ERBB4: variants seen among roughly 807,000 people sequenced by gnomAD.
ERBB4 encodes erb-b2 receptor tyrosine kinase 4, also known as receptor tyrosine-protein kinase erbB-4.
Under a neutral mutation model 158.0 loss-of-function variants are expected in ERBB4, and 42 were observed. That is an observed-to-expected ratio of 0.27 (90% CI 0.21 to 0.34). The LOEUF (loss-of-function observed/expected upper bound fraction) is 0.34, where lower values mean the gene tolerates loss of function less well. Ranked by LOEUF, ERBB4 falls within the 10% of genes least tolerant of loss-of-function variation. ERBB4 has a pLI of 1.00. For synonymous variants in ERBB4, 583 were observed against 558.7 expected, an observed-to-expected ratio of 1.04 and a Z score of -0.61; for missense variants, 1,333 against 1,624.1, an observed-to-expected ratio of 0.82 and a Z score of 3.08.
intron 19 of ERBB4, among the ~76,000 whole-genome samples, chr2:211,614,141 C>A (rs1487185001): frequency 6.6e-6 from 1 of 151,902 alleles, no homozygotes; most frequent in East Asian, 1.9e-4. Flanking sequence ...AACCGGAGAT[C>A]ATTATGTTAA....
intron 3 of ERBB4, among the ~76,000 whole-genome samples, chr2:211,902,500 C>A (rs991142176): frequency 6.6e-6 from 1 of 151,736 alleles, no homozygotes; most frequent in African/African-American, 2.4e-5. Flanking sequence ...ATAATTTAAA[C>A]ACATTATTTT....
intron 4 of ERBB4, among the ~76,000 whole-genome samples, chr2:211,757,722 T>C (rs1015718929): frequency 6.6e-6 from 1 of 152,226 alleles, no homozygotes; most frequent in Non-Finnish European, 1.5e-5. Flanking sequence ...AGATAGCTAA[T>C]GGACAGGCCA....
At chr2:211,532,151 T>TGGG (rs35328583) in intron 20 of ERBB4, among the ~76,000 whole-genome samples, 5 of 150,996 alleles carry the variant, frequency 3.3e-5, no homozygotes, top group Non-Finnish European at 7.4e-5. Context: ...GGAAGGGTTG[T>TGGG]GGGGGGGGAA....
chr2:211,977,531 TA>T (rs370595284), intron 2 of ERBB4, among the ~76,000 whole-genome samples: 12 of 67,622 alleles, frequency 1.8e-4, no homozygotes, highest in African/African-American at 5.3e-4. Context: ...ATATTGACTT[TA>T]AAAAAAAAAA....
At position 212,275,913 on chromosome 2, in the gene ERBB4, G is replaced by A. The variant is rs78336539; in HGVS notation, c.83-151010C>T. ...GGATGAAAAGTCAAGACCCATCGGTGTGCTGTACTTTTAATTTTTAGTATT... is the reference window on the plus strand; with the variant it reads ...GGATGAAAAGTCAAGACCCATCGGTATGCTGTACTTTTAATTTTTAGTATT... On this transcript the variant is annotated intron_variant, in intron 1 of 27. Coordinates refer to ENST00000342788, the MANE Select transcript of ERBB4 (RefSeq NM_005235.3). 6.3e-4 allele frequency among the ~76,000 whole-genome samples: 95 copies of A among 151,966 alleles called. No individual in the cohort carries two copies. The East Asian group carries it at 0.017, about 27-fold the overall frequency.
At chr2:211,982,612 A>T (rs975429282) in intron 2 of ERBB4, among the ~76,000 whole-genome samples, 20 of 152,156 alleles carry the variant, frequency 1.3e-4, no homozygotes, top group East Asian at 1.9e-4. Flanking sequence ...GACAAAAGGA[A>T]TACTGGGAGT....
chr2:211,428,243 A>T (rs1022214756), intron 22 of ERBB4, among the ~76,000 whole-genome samples, 165 bp downstream of exon 22: 1 of 147,724 alleles, frequency 6.8e-6, no homozygotes, highest in Non-Finnish European at 1.5e-5. Flanking sequence ...AAAATAAAAT[A>T]TTTTTTTTTC....
intron 3 of ERBB4, among the ~76,000 whole-genome samples, chr2:211,881,441 C>T (rs1248001584): frequency 6.6e-6 from 1 of 152,144 alleles, no homozygotes; most frequent in Admixed American, 6.5e-5. Flanking sequence ...ATGCTGGCAG[C>T]TGCGCCAATA....
At chr2:211,869,154 C>T (rs13009426) in intron 3 of ERBB4, among the ~76,000 whole-genome samples, 5,215 of 152,246 alleles carry the variant, frequency 0.034, 149 homozygotes, top group Non-Finnish European at 0.046. Context: ...TGGCTTCAAT[C>T]CTGCCAAGAA....
At position 212,173,923 on chromosome 2, in the gene ERBB4, T is replaced by C. The variant is rs143764406; in HGVS notation, c.83-49020A>G. 7.9e-3 allele frequency among the ~76,000 whole-genome samples: 1,203 copies of C among 152,226 alleles called. 7 individuals are homozygous for C. Among genetic ancestry groups the C allele is most frequent in the Admixed American group, 0.015 (229 of 15,258 alleles). On this transcript the variant is annotated intron_variant, in intron 1 of 27. Transcript: ENST00000342788. ...GCTCCTACTGCTATGATTTATCCAC[T>C]GAAACAGCTGGGAAACTTCCGAAGT... is the stretch of plus-strand genomic sequence containing the variant.
chr2:212,193,012 G>GA (rs2082319129), intron 1 of ERBB4, among the ~76,000 whole-genome samples: 1 of 152,098 alleles, frequency 6.6e-6, no homozygotes, highest in African/African-American at 2.4e-5. Context: ...GGAAACCTTG[G>GA]AAAATTACAA....
chr2:212,223,271 T>G (rs2083361209), intron 1 of ERBB4, among the ~76,000 whole-genome samples: 1 of 150,434 alleles, frequency 6.6e-6, no homozygotes, highest in South Asian at 2.1e-4. Context: ...AATACAATAC[T>G]GTTTCACAGC....
At chr2:211,407,674 G>C (rs1467763911) in intron 25 of ERBB4, among the ~76,000 whole-genome samples, 5 of 152,202 alleles carry the variant, frequency 3.3e-5, no homozygotes, top group African/African-American at 4.8e-5. Flanking sequence ...AGTGTAATGA[G>C]AGGCTGGTCC....
intron 3 of ERBB4, among the ~76,000 whole-genome samples, chr2:211,852,049 T>G (rs763239606): frequency 3.9e-5 from 6 of 151,980 alleles, no homozygotes; most frequent in Non-Finnish European, 8.8e-5. Flanking sequence ...TGTCATTATC[T>G]GTAACTTTCA....
intron 1 of ERBB4, among the ~76,000 whole-genome samples, chr2:212,430,504 G>A (rs775966161): frequency 6.0e-5 from 9 of 151,050 alleles, no homozygotes; most frequent in Admixed American, 2.0e-4. Context: ...GCAGTGGCGC[G>A]ATCTTGGCTC....
intron 19 of ERBB4, among the ~76,000 whole-genome samples, chr2:211,569,687 TAA>T (rs2067656699): frequency 6.6e-6 from 1 of 152,152 alleles, no homozygotes; most frequent in South Asian, 2.1e-4. Flanking sequence ...AAGCATGACC[TAA>T]GAGTCTGGCA....
At chr2:211,737,757 GGCTC>G (rs1235192743) in intron 5 of ERBB4, among the ~76,000 whole-genome samples, 1 of 152,018 alleles carries the variant, frequency 6.6e-6, no homozygotes, top group Non-Finnish European at 1.5e-5. Context: ...TATAAATATT[GGCTC>G]TTGGTATTGT....
chr2:212,467,386 A>C lies in ERBB4; in HGVS notation c.82+71063T>G, dbSNP rs545638541. On this transcript the variant is annotated intron_variant, in intron 1 of 27. Transcript: ENST00000342788. The stretch of plus-strand genomic sequence containing the variant: ...AAGTGGTTTCATGGGCCAGGCCCAG[A>C]GTCCCTATGCTGTGTACAGCCTAGA... Among the ~76,000 whole-genome samples, 3 of 152,306 alleles carry C rather than the reference A, an allele frequency of 2.0e-5. No individual in the cohort carries two copies. The East Asian group carries it at 5.8e-4, about 30-fold the overall frequency.
chr2:211,517,439 G>T (rs1472944866), intron 20 of ERBB4, among the ~76,000 whole-genome samples: 1 of 151,872 alleles, frequency 6.6e-6, no homozygotes, highest in Non-Finnish European at 1.5e-5. Flanking sequence ...TAAAAATAAG[G>T]GTTATTTCTT....
Sources: allele counts gnomAD v4.1 joint callset (sites outside exome capture counted in the v4.1 genomes callset), GRCh38; gene constraint gnomAD v4.1.1; transcripts MANE v1.5; gene names NCBI Gene and HGNC (gene_info 2026-07-23, HGNC 2026-07-21).